Variants in MXRA7 observed in about 807,000 individuals in gnomAD.
MXRA7 encodes the protein matrix remodeling associated 7.
A neutral mutation model predicts 17.4 loss-of-function variants in MXRA7; 18 were observed. That is an observed-to-expected ratio of 1.03 (90% confidence interval 0.71 to 1.53). MXRA7 has a LOEUF of 1.53. MXRA7 is among the 40% of genes most tolerant of loss of function. The pLI is 0.00. For synonymous variants in MXRA7, 70 were observed against 101.7 expected, an observed-to-expected ratio of 0.69 and a Z score of 1.87; for missense variants, 141 against 209.3, an observed-to-expected ratio of 0.67 and a Z score of 2.01.
downstream of MXRA7, chr17:76,679,486 C>A (rs2076270504): frequency 2.4e-5 from 13 of 543,980 alleles, no homozygotes; most frequent in Non-Finnish European, 2.8e-5. Context: ...TAAGAGGCAT[C>A]AAAATGAAAG....
intron 1 of MXRA7, 32 bp downstream of exon 1, chr17:76,710,573 G>T: frequency 7.9e-7 from 1 of 1,267,994 alleles, no homozygotes. Flanking sequence ...CCCCGGGGGT[G>T]GGGAGGGGGC....
At chr17:76,706,143 A>ACTGCTGTCACAGAGGCCCACG (rs2076653100) in intron 1 of MXRA7, among the ~76,000 whole-genome samples, 5 of 54,252 alleles carry the variant, frequency 9.2e-5, no homozygotes, top group South Asian at 6.4e-4. Flanking sequence ...AAAGGACCAC[A>ACTGCTGTCACAGAGGCCCACG]CTGCCGTCAC....
chr17:76,681,389 A>G lies in MXRA7; in HGVS notation c.501-510T>C, dbSNP rs1231693258. ...GCCCTGGGACCACTGAGAACCCAGC[A>G]GGTCTGATCTTGTCCCTCTGACGCC... On this transcript the variant is annotated intron_variant, in intron 3 of 3. Transcript: ENST00000449428. The surrounding 1 kb of genome is among the most constrained non-coding windows in gnomAD (Gnocchi z 4.7). Among the ~76,000 whole-genome samples, 1 of 152,028 alleles carries G rather than the reference A, an allele frequency of 6.6e-6. No homozygotes were observed. Among genetic ancestry groups the G allele is most frequent in the Non-Finnish European group, 1.5e-5 (1 of 67,972 alleles).
At chr17:76,702,506 T>C (rs1417572541) in intron 1 of MXRA7, among the ~76,000 whole-genome samples, 1 of 149,366 alleles carries the variant, frequency 6.7e-6, no homozygotes, top group African/African-American at 2.5e-5. Context: ...AATAAGTAAA[T>C]AAATAAATAA....
chr17:76,686,336 C>G (rs1278503874), intron 2 of MXRA7, among the ~76,000 whole-genome samples: 2 of 152,164 alleles, frequency 1.3e-5, no homozygotes, highest in Admixed American at 1.3e-4. Context: ...AAAAATTAGC[C>G]GGGCGTGGTG....
chr17:76,688,380 TGCTGA>T (rs1567981880), intron 1 of MXRA7: 1 of 1,433,780 alleles, frequency 7.0e-7, no homozygotes, highest in East Asian at 2.5e-5. Flanking sequence ...GGCTCACAAA[TGCTGA>T]GCTGAGGCGT....
chr17:76,684,992 G>T, intron 3 of MXRA7, 80 bp downstream of exon 3: 2 of 1,189,372 alleles, frequency 1.7e-6, no homozygotes, highest in Non-Finnish European at 2.5e-6. Flanking sequence ...TCTGCCAAGG[G>T]GCAGGAACAT....
rs2076299124 is a variant in MXRA7 at position 76,681,206 on chromosome 17, TTG to T, written c.501-329_501-328del. Among the ~76,000 whole-genome samples, 1 of 152,152 alleles carries T rather than the reference TTG, an allele frequency of 6.6e-6. No homozygotes were observed. Among genetic ancestry groups the T allele is most frequent in the Admixed American group, 6.5e-5 (1 of 15,278 alleles). On this transcript the variant is annotated intron_variant, in intron 3 of 3. Transcript: ENST00000449428. This position sits in a 1 kb window ranked among gnomAD's most constrained non-coding sequence, Gnocchi z 4.7. ...TGCCAAGGGCCTTTCTGATCTTGGGTTGTGTGGTTGTGCTGACAATATTCCTA... is the reference window on the plus strand; with the variant it reads ...TGCCAAGGGCCTTTCTGATCTTGGGTTGTGGTTGTGCTGACAATATTCCTA...
chr17:76,702,639 C>A (rs2076603001), intron 1 of MXRA7, among the ~76,000 whole-genome samples: 1 of 152,020 alleles, frequency 6.6e-6, no homozygotes, highest in South Asian at 2.1e-4. Flanking sequence ...TGCTTGAGGG[C>A]AGGAGTTTGA....
intron 1 of MXRA7, among the ~76,000 whole-genome samples, chr17:76,700,655 C>T (rs949462947): frequency 8.5e-5 from 13 of 152,232 alleles, no homozygotes; most frequent in East Asian, 1.9e-4. Flanking sequence ...CTACTGCGTG[C>T]GGGCCTGTTG....
At chr17:76,704,200 ATTTT>A (rs1162372827) in intron 1 of MXRA7, among the ~76,000 whole-genome samples, 2 of 63,394 alleles carry the variant, frequency 3.2e-5, no homozygotes, top group Admixed American at 2.6e-4. Context: ...CTTCCTTCAG[ATTTT>A]TTTTTTTTTT....
chr17:76,683,556 T>C (rs550543230), intron 3 of MXRA7, among the ~76,000 whole-genome samples: 9 of 152,128 alleles, frequency 5.9e-5, no homozygotes, highest in Non-Finnish European at 1.3e-4. Context: ...AGGGTGACAG[T>C]TCCCCCAGCC....
At chr17:76,701,871 C>T (rs1044019934) in intron 1 of MXRA7, among the ~76,000 whole-genome samples, 3 of 152,232 alleles carry the variant, frequency 2.0e-5, no homozygotes, top group African/African-American at 7.2e-5. Flanking sequence ...GCTCAGATGA[C>T]TGGAGCATGC....
downstream of MXRA7, among the ~76,000 whole-genome samples, chr17:76,679,313 A>AG (rs2076268511): frequency 6.6e-6 from 1 of 151,398 alleles, no homozygotes; most frequent in Admixed American, 6.6e-5. Flanking sequence ...AAGAAGAAGA[A>AG]GAGGAATTCC....
At chr17:76,698,712 GTTTTTTTTTTTTTTTTTTT>G (rs3078394) in intron 1 of MXRA7, among the ~76,000 whole-genome samples, 1 of 54,884 alleles carries the variant, frequency 1.8e-5, no homozygotes, top group South Asian at 9.2e-4. Flanking sequence ...CTTCCTTTCT[GTTTTTTTTTTTTTTTTTTT>G]TTTTTTTTGA....
rs9807110 is a variant in MXRA7, at chr17:76,694,983, C to T, written c.343-6807G>A. The stretch of plus-strand genomic sequence containing the variant: ...GACCAGCCTGGACAACATAGTGAAA[C>T]CCTGGGTCTACTAAAAAATAAAAAA... On this transcript the variant is annotated intron_variant, in intron 1 of 3. Coordinates refer to ENST00000449428, the MANE Select transcript of MXRA7 (RefSeq NM_198530.4). Among the ~76,000 whole-genome samples the T allele has an allele frequency of 1.2e-3, 184 of 152,042 alleles. 1 individual carries two copies. The highest frequency in any genetic ancestry group is 4.2e-3 in the African/African-American group (174 of 41,494).
chr17:76,698,265 G>C (rs903688074), intron 1 of MXRA7, among the ~76,000 whole-genome samples: 3 of 152,194 alleles, frequency 2.0e-5, no homozygotes, highest in Admixed American at 6.5e-5. Context: ...ACCCCAGAAT[G>C]GGCCGGGCCC....
At chr17:76,693,236 G>T (rs1466134234) in intron 1 of MXRA7, among the ~76,000 whole-genome samples, 1 of 152,096 alleles carries the variant, frequency 6.6e-6, no homozygotes, top group East Asian at 1.9e-4. Flanking sequence ...TTGGGAGGCC[G>T]AGGCGGATGG....
chr17:76,672,572 G>C (rs1038055442), exon 4 of MXRA7: 2 of 152,160 alleles, frequency 1.3e-5, no homozygotes, highest in African/African-American at 4.8e-5. Flanking sequence ...TACGCGCAAG[G>C]TTTTATTTGT....
Sources: allele counts gnomAD v4.1 joint callset (sites outside exome capture counted in the v4.1 genomes callset), GRCh38; gene constraint gnomAD v4.1.1; non-coding constraint Gnocchi (gnomAD v3.1); transcripts MANE v1.5; gene names NCBI Gene and HGNC (gene_info 2026-07-23, HGNC 2026-07-21).